AHNAK2: variants seen among roughly 807,000 people sequenced by gnomAD.
The protein encoded by AHNAK2 is AHNAK nucleoprotein 2.
AHNAK2 carries 18 observed loss-of-function variants against 30.7 expected under a neutral mutation model. The ratio of observed to expected loss-of-function variants is 0.59; its 90% CI spans 0.41 to 0.87. AHNAK2 has a LOEUF of 0.87. AHNAK2 is among the 40% of genes least tolerant of loss of function. The pLI is 0.00. For synonymous variants in AHNAK2, 3,590 were observed against 3,073.8 expected (o/e 1.17, Z -5.56); for missense variants, 8,604 against 7,373.0 (o/e 1.17, Z -6.11).
chr14:104,938,930 G>A lies in AHNAK2; in HGVS notation c.16521C>T (p.Pro5507=). 1 of 1,613,460 alleles carries A rather than the reference G, an allele frequency of 6.2e-7. No homozygotes were observed. The change falls in exon 7 of 7, where the codon CCC becomes CCT. Residue 5507 remains proline, a synonymous_variant. Transcript: ENST00000333244. The stretch of plus-strand genomic sequence containing the variant: ...ACGAAGGTGTTTGAATCTCTGACGT[G>A]GGGATCTCTGATTCCCGCACAATCT... ...STQIVRESEI[P]TSEIQTPSYG... is the part of the protein sequence containing the mutation.
Position 104,948,777 on chromosome 14 carries a change from G to C in AHNAK2, c.6674C>G (p.Pro2225Arg), listed in dbSNP as rs200759380. The change falls in exon 7 of 7, where the codon CCT (proline) becomes CGT (arginine). Residue 2225 changes from proline (P) to arginine (R), a missense_variant. Transcript: ENST00000333244. ...TTTGAGGCCGACTTCCTCGGGCACA[G>C]GGCCCTCCAGGAGTTTCACGTCCAC... ...GQVDVKLLEG[P>R]VPEEVGLKGH... The C allele has an allele frequency of 1.2e-6, 2 of 1,600,910 alleles. No homozygotes were observed. Among genetic ancestry groups the C allele is most frequent in the African/African-American group, 2.9e-5 (2 of 68,442 alleles).
chr14:104,954,939 CG>C lies in AHNAK2; in HGVS notation c.651+17del, dbSNP rs1566921336. The C allele has an allele frequency of 6.3e-7, 1 of 1,598,946 alleles. No individual in the cohort carries two copies. The highest frequency in any genetic ancestry group is 1.3e-5 in the African/African-American group (1 of 74,422). ...TGAAGCCAGCTGGGGCCCTGCCCCC[CG>C]GGCATAGTGGTCTCACCTCCTTCTC... On this transcript the variant is annotated intron_variant, in intron 6 of 6. Coordinates refer to ENST00000333244, the MANE Select transcript of AHNAK2 (RefSeq NM_138420.4). The surrounding 1 kb of genome is among the most constrained non-coding windows in gnomAD (Gnocchi z 4.3).
In AHNAK2 at chr14:104,945,585, C is replaced by T. The variant is rs369568709; in HGVS notation, c.9866G>A (p.Arg3289Gln). 6.1e-5 allele frequency: 98 copies of T among 1,607,808 alleles called. 1 individual carries two copies. The highest frequency in any genetic ancestry group is 5.6e-4 in the South Asian group (51 of 90,630). ...EAPGAKLDGA[R>Q]LEGDLSLADK... ...GGCCAGGGACAGGTCCCCCTCCAGC[C>T]GTGCACCATCCAACTTGGCTCCTGG... The change falls in exon 7 of 7, where the codon CGG (arginine) becomes CAG (glutamine). Residue 3289 changes from arginine (R) to glutamine (Q), a missense_variant. By Grantham distance (43) the Arg-to-Gln change is conservative. Transcript: ENST00000333244.
Position 104,945,193 on chromosome 14 carries a change from GGTCCAGCTTGGGGCCCTTGAT to G in AHNAK2, c.10237_10257del (p.Ile3413_Asp3419del), listed in dbSNP as rs1898195353. 6.2e-7 allele frequency: 1 copy of G among 1,613,076 alleles called. No individual in the cohort carries two copies. Among genetic ancestry groups the G allele is most frequent in the African/African-American group, 1.3e-5 (1 of 74,584 alleles). On this transcript the variant is annotated inframe_deletion, in exon 7 of 7. Coordinates refer to ENST00000333244, the MANE Select transcript of AHNAK2 (RefSeq NM_138420.4). ...GTCACTTCCGCCTTGGGGACTTTTAGGTCCAGCTTGGGGCCCTTGATGTCCACCTGGGGGCTCTTGAGGTCC... is the reference window on the plus strand; with the variant it reads ...GTCACTTCCGCCTTGGGGACTTTTAGGTCCACCTGGGGGCTCTTGAGGTCC...
chr14:104,965,582 C>G (rs1391945875), intron 1 of AHNAK2, among the ~76,000 whole-genome samples: 2 of 152,148 alleles, frequency 1.3e-5, no homozygotes, highest in African/African-American at 4.8e-5. Context: ...TCCAGGGCCT[C>G]CCTCCTGCAG....
Position 104,952,306 on chromosome 14 carries a change from G to C in AHNAK2, c.3145C>G (p.Gln1049Glu), listed in dbSNP as rs201734069. 1,520 of 1,612,334 alleles carry C rather than the reference G, an allele frequency of 9.4e-4. No homozygotes were observed. Among genetic ancestry groups the C allele is most frequent in the Non-Finnish European group, 1.2e-3 (1,366 of 1,179,548 alleles). ...ACCTTCAGGTCAGTAGAAGCAGGCT[G>C]AATGCTGAGGTCAGTGGTCTTCAGG... is the stretch of plus-strand genomic sequence containing the variant. ...GDLKTTDLSI[Q>E]PASTDLKVQA... The change falls in exon 7 of 7, where the codon CAG (glutamine) becomes GAG (glutamate). Residue 1049 changes from glutamine (Q) to glutamate (E), a missense_variant. Transcript: ENST00000333244.
rs374100559 is a variant in AHNAK2 at position 104,944,952 on chromosome 14, G to T, written c.10499C>A (p.Ala3500Glu). The T allele has an allele frequency of 1.6e-5, 26 of 1,613,170 alleles. No individual in the cohort carries two copies. The African/African-American group carries it at 2.5e-4, about 16-fold the overall frequency. The part of the protein sequence containing the change: ...RSIEASLDVS[A>E]PKVEADVSLS... The stretch of plus-strand genomic sequence containing the variant: ...GCTCACGTCGGCCTCCACCTTCGGC[G>T]CAGACACATCCAGCGAGGCCTCGAT... The change falls in exon 7 of 7, where the codon GCG (alanine) becomes GAG (glutamate). Residue 3500 changes from alanine to glutamate, a missense_variant. By Grantham distance (107) the Ala-to-Glu change is moderately radical (BLOSUM62 -1). Transcript: ENST00000333244.
rs577393712 is a variant in AHNAK2 at position 104,950,260 on chromosome 14, G to C, written c.5191C>G (p.Leu1731Val). The C allele has an allele frequency of 1.3e-4, 198 of 1,582,806 alleles. 28 individuals are homozygous for C. Among genetic ancestry groups the C allele is most frequent in the African/African-American group, 9.7e-4 (69 of 71,058 alleles). Residue 1731 changes from leucine (L) to valine (V), a missense_variant, in exon 7 of 7, where the codon CTT (leucine) becomes GTT (valine). Coordinates refer to ENST00000333244, the MANE Select transcript of AHNAK2 (RefSeq NM_138420.4). ...QVNVKLPEGP[L>V]PEGAGFKGHL... ...CCTTTGAAGCCGGCTCCCTCGGGAA[G>C]GGGGCCCTCCGGGAGTTTCACGTTC...
In AHNAK2 at chr14:104,943,831, C is replaced by A; in HGVS notation, c.11620G>T (p.Gly3874Cys). ...AGGCCGGCTTCCTCGGGCACGTGGCCCTCCAGGAGTTTCATGTCCACCTGG... is the reference window on the plus strand; with the variant it reads ...AGGCCGGCTTCCTCGGGCACGTGGCACTCCAGGAGTTTCATGTCCACCTGG... ...ARQVDMKLLE[G>C]HVPEEAGLKG... The change falls in exon 7 of 7, where the codon GGC (glycine) becomes TGC (cysteine). Residue 3874 changes from glycine (G) to cysteine (C), a missense_variant. Coordinates refer to ENST00000333244, the MANE Select transcript of AHNAK2 (RefSeq NM_138420.4). 1 of 1,612,988 alleles carries A rather than the reference C, an allele frequency of 6.2e-7. No homozygotes were observed. Among genetic ancestry groups the A allele is most frequent in the Non-Finnish European group, 8.5e-7 (1 of 1,179,552 alleles).
In AHNAK2 at chr14:104,948,614, C is replaced by A. The variant is rs369533806; in HGVS notation, c.6837G>T (p.Val2279=). 1.2e-4 allele frequency: 186 copies of A among 1,612,560 alleles called. 8 individuals are homozygous for A. In the African/African-American group the frequency reaches 1.5e-3, roughly 13 times the overall value. ...KVEVTAPDVE[V]SLPSVEVDVK... ...CGTCCACCTCCACGCTGGGCAGAGACACCTCCACATCAGGGGCTGTCACTT... is the reference window on the plus strand; with the variant it reads ...CGTCCACCTCCACGCTGGGCAGAGAAACCTCCACATCAGGGGCTGTCACTT... The change falls in exon 7 of 7, where the codon GTG becomes GTT. Residue 2279 remains valine (V), a synonymous_variant. Transcript: ENST00000333244.
chr14:104,956,613 G>T lies in AHNAK2; in HGVS notation c.290C>A (p.Thr97Lys), dbSNP rs1898981673. Reference sequence around the variant, plus strand: ...CTCTGGACGACTCATCCTGAAAAATGTCCGTGAGTCCCCTGAATCTCGCTT... The same window carrying T: ...CTCTGGACGACTCATCCTGAAAAATTTCCGTGAGTCCCCTGAATCTCGCTT... The part of the protein sequence containing the change: ...WWKRDSGDSR[T>K]FFRMSRPEAV... The change falls in exon 4 of 7, where the codon ACA becomes AAA. Residue 97 changes from threonine to lysine, a missense_variant. Transcript: ENST00000333244. The T allele has an allele frequency of 3.1e-6, 5 of 1,613,760 alleles. No individual in the cohort carries two copies. Among genetic ancestry groups the T allele is most frequent in the Admixed American group, 1.7e-5 (1 of 60,004 alleles).
In AHNAK2 at chr14:104,952,464, C is replaced by T. The variant is rs1198983973; in HGVS notation, c.2987G>A (p.Ser996Asn). 2.5e-6 allele frequency: 4 copies of T among 1,612,704 alleles called. No individual in the cohort carries two copies. Among genetic ancestry groups the T allele is most frequent in the Non-Finnish European group, 3.4e-6 (4 of 1,179,620 alleles). The change falls in exon 7 of 7, where the codon AGC becomes AAC. Residue 996 changes from serine (S) to asparagine (N), a missense_variant. Ser to Asn is a conservative substitution (Grantham distance 46, BLOSUM62 1). Coordinates refer to ENST00000333244, the MANE Select transcript of AHNAK2 (RefSeq NM_138420.4). ...LADKDVTAKD[S>N]KFKMPKFKMP... is the part of the protein sequence containing the mutation. Reference sequence around the variant, plus strand: ...CTTGAACTTGGGCATTTTGAACTTGCTGTCTTTGGCAGTCACGTCCTTGTC... The same window carrying T: ...CTTGAACTTGGGCATTTTGAACTTGTTGTCTTTGGCAGTCACGTCCTTGTC...
At position 104,938,345 on chromosome 14, in the gene AHNAK2, T is replaced by C; in HGVS notation, c.17106A>G (p.Leu5702=). Residue 5702 remains leucine, a synonymous_variant, in exon 7 of 7, where the codon TTA becomes TTG. Transcript: ENST00000333244. ...EKAGWFRFPK[L]GFSSSPTKKS... is the part of the protein sequence containing the mutation. ...TCTTGGTAGGAGATGAGGAGAACCC[T>C]AATTTGGGAAATCGGAACCAGCCTG... 2 of 1,614,014 alleles carry C rather than the reference T, an allele frequency of 1.2e-6. No homozygotes were observed. The highest frequency in any genetic ancestry group is 1.7e-6 in the Non-Finnish European group (2 of 1,179,894).
chr14:104,955,370 G>A, intron 5 of AHNAK2, 113 bp downstream of exon 5: 1 of 1,438,764 alleles, frequency 7.0e-7, no homozygotes, highest in Non-Finnish European at 9.3e-7. Flanking sequence ...GCAGAGGCGT[G>A]AGGAGGTCAT....
rs774048342 is a variant in AHNAK2 at position 104,955,508 on chromosome 14, G to A, written c.441C>T (p.Ala147=). 8 of 1,613,286 alleles carry A rather than the reference G, an allele frequency of 5.0e-6. No homozygotes were observed. Among genetic ancestry groups the A allele is most frequent in the African/African-American group, 2.7e-5 (2 of 74,928 alleles). ...CTTCTCTCAAGTTAAAAAGCTTGGC[G>A]GCTGAGGAGTCCTTCAGCACTTGCT... ...FVKQVLKDSS[A]AKLFNLREGD... is the part of the protein sequence containing the mutation. The change falls in exon 5 of 7, where the codon GCC becomes GCT. Residue 147 remains alanine, a synonymous_variant. Coordinates refer to ENST00000333244, the MANE Select transcript of AHNAK2 (RefSeq NM_138420.4).
intron 1 of AHNAK2, among the ~76,000 whole-genome samples, chr14:104,973,992 C>A (rs1899539093): frequency 6.6e-6 from 1 of 151,986 alleles, no homozygotes; most frequent in Non-Finnish European, 1.5e-5. Flanking sequence ...CCATCCCCTG[C>A]CTCCTGGGCT....
chr14:104,956,493 T>G, intron 4 of AHNAK2, 95 bp downstream of exon 4: 1 of 1,303,524 alleles, frequency 7.7e-7, no homozygotes, highest in Non-Finnish European at 1.1e-6. Context: ...GCCAGCCTCT[T>G]TGCTCCTCCC....
At position 104,947,318 on chromosome 14, in the gene AHNAK2, C is replaced by T. The variant is rs202117566; in HGVS notation, c.8133G>A (p.Gln2711=). The T allele has an allele frequency of 8.0e-5, 129 of 1,611,578 alleles. 1 individual carries two copies. The Middle Eastern group carries it at 1.2e-3, about 14-fold the overall frequency. ...PSAQLEVQAG[Q]VDVKLPEGHV... Reference sequence around the variant, plus strand: ...GGCCCTCTGGGAGTTTCACATCCACCTGGCCAGCCTGGACCTCCAGTTGGG... The same window carrying T: ...GGCCCTCTGGGAGTTTCACATCCACTTGGCCAGCCTGGACCTCCAGTTGGG... Residue 2711 remains glutamine, a synonymous_variant, in exon 7 of 7, where the codon CAG becomes CAA. Transcript: ENST00000333244.
chr14:104,938,698 C>T lies in AHNAK2; in HGVS notation c.16753G>A (p.Gly5585Arg). 1 of 1,613,192 alleles carries T rather than the reference C, an allele frequency of 6.2e-7. No individual in the cohort carries two copies. The highest frequency in any genetic ancestry group is 1.1e-5 in the South Asian group (1 of 90,872). ...EMISSSVNVL[G>R]QQTLTFEVPS... ...ACTTCAAATGTGAGTGTTTGCTGTC[C>T]CAGTACATTGACGCTGGAAGAGATC... is the stretch of plus-strand genomic sequence containing the variant. The change falls in exon 7 of 7, where the codon GGA (glycine) becomes AGA (arginine). Residue 5585 changes from glycine (G) to arginine (R), a missense_variant. Gly to Arg is a moderately radical substitution (Grantham distance 125). Coordinates refer to ENST00000333244, the MANE Select transcript of AHNAK2 (RefSeq NM_138420.4).
Sources: allele counts gnomAD v4.1 joint callset (sites outside exome capture counted in the v4.1 genomes callset), GRCh38; gene constraint gnomAD v4.1.1; non-coding constraint Gnocchi (gnomAD v3.1); transcripts MANE v1.5; gene names NCBI Gene and HGNC (gene_info 2026-07-23, HGNC 2026-07-21).